The following CCDC40 variants were observed in gnomAD, a reference collection of about 807,000 sequenced individuals.
The protein encoded by CCDC40 is coiled-coil domain-containing protein 40.
A neutral mutation model predicts 124.5 loss-of-function variants in CCDC40; 104 were observed. The ratio of observed to expected loss-of-function variants is 0.84; its 90% CI spans 0.71 to 0.98. The LOEUF is 0.98. CCDC40 is among the 50% of genes least tolerant of loss of function. CCDC40 has a pLI of 0.00. For synonymous variants in CCDC40, 580 were observed against 602.9 expected, an observed-to-expected ratio of 0.96 and a Z score of 0.56; for missense variants, 1,463 against 1,503.9, an observed-to-expected ratio of 0.97 and a Z score of 0.45.
chr17:80,084,719 A>G (rs745904401), intron 12 of CCDC40, 24 bp from the exon 13 acceptor site: 1 of 1,613,440 alleles, frequency 6.2e-7, no homozygotes, highest in Non-Finnish European at 8.5e-7. Context: ...CAATATTCAC[A>G]GGTATTTCTT....
At chr17:80,065,650 G>T in intron 10 of CCDC40, 44 bp downstream of exon 10, 8 of 1,609,278 alleles carry the variant, frequency 5.0e-6, no homozygotes, top group South Asian at 1.1e-5. Flanking sequence ...GGAACCCCAG[G>T]GGTCCGTGGC....
chr17:80,042,926 G>T (rs2037320005), intron 3 of CCDC40, among the ~76,000 whole-genome samples: 1 of 151,552 alleles, frequency 6.6e-6, no homozygotes, highest in East Asian at 1.9e-4. Flanking sequence ...TGTCTGTTAA[G>T]AAGACTGTAT....
At chr17:80,057,373 C>G (rs962192725) in intron 7 of CCDC40, among the ~76,000 whole-genome samples, 1 of 151,906 alleles carries the variant, frequency 6.6e-6, no homozygotes, top group African/African-American at 2.4e-5. Flanking sequence ...CAGGCGTGAG[C>G]CACCACACCC....
At chr17:80,078,330 CAAAAAAA>C (rs71163916) in intron 10 of CCDC40, among the ~76,000 whole-genome samples, 2 of 67,158 alleles carry the variant, frequency 3.0e-5, no homozygotes, top group African/African-American at 1.1e-4. Context: ...GACTCTGTCT[CAAAAAAA>C]AAAAAAAAAA....
intron 5 of CCDC40, among the ~76,000 whole-genome samples, chr17:80,049,240 CAA>C (rs200114991): frequency 1.6e-4 from 22 of 133,896 alleles, no homozygotes; most frequent in Middle Eastern, 3.9e-3. Context: ...ACTAAAAATA[CAA>C]AAAAAAAAAA....
intron 9 of CCDC40, among the ~76,000 whole-genome samples, chr17:80,060,010 GAACA>G (rs1182888103): frequency 6.6e-6 from 1 of 152,106 alleles, no homozygotes; most frequent in Non-Finnish European, 1.5e-5. Context: ...AGAATCTCAG[GAACA>G]AACAATCCCT....
intron 9 of CCDC40, among the ~76,000 whole-genome samples, chr17:80,063,066 G>C (rs979434844): frequency 3.9e-5 from 6 of 152,094 alleles, no homozygotes; most frequent in African/African-American, 1.4e-4. Flanking sequence ...GTGGTGGCGA[G>C]TGCCTATAAT....
intron 12 of CCDC40, 54 bp downstream of exon 12, chr17:80,082,112 A>AT: frequency 6.4e-7 from 1 of 1,560,090 alleles, no homozygotes. Flanking sequence ...GCCTGGGCAT[A>AT]TGAGGGCAAG....
chr17:80,081,959 T>A lies in CCDC40; in HGVS notation c.1890T>A (p.Ala630=), dbSNP rs35578653. ...TGGAGCTCAGGAGGAAGACGGATGC[T>A]GCCATCCGGGAGAAGCTGCAGGAGC... is the stretch of plus-strand genomic sequence containing the variant. ...GELELRRKTD[A]AIREKLQEHM... is the part of the protein sequence containing the mutation. The change falls in exon 12 of 20, where the codon GCT becomes GCA. Residue 630 remains alanine (A), a synonymous_variant. Coordinates refer to ENST00000397545, the MANE Select transcript of CCDC40 (RefSeq NM_017950.4). 1 of 1,613,330 alleles carries A rather than the reference T, an allele frequency of 6.2e-7. No individual in the cohort carries two copies. Among genetic ancestry groups the A allele is most frequent in the Non-Finnish European group, 8.5e-7 (1 of 1,179,688 alleles).
chr17:80,065,472 C>T lies in CCDC40; in HGVS notation c.1441-13C>T, dbSNP rs373383132. 2.5e-6 allele frequency: 4 copies of T among 1,612,080 alleles called. No individual in the cohort carries two copies. Among genetic ancestry groups the T allele is most frequent in the Admixed American group, 1.7e-5 (1 of 59,930 alleles). On this transcript the variant is annotated splice_polypyrimidine_tract_variant and intron_variant, in intron 9 of 19. Coordinates refer to ENST00000397545, the MANE Select transcript of CCDC40 (RefSeq NM_017950.4). The stretch of plus-strand genomic sequence containing the variant: ...GAGACAGCCATTCCTGCCCCCTCCC[C>T]TGTTGGCTGCAGGCCTGCACCGAGA...
chr17:80,047,228 C>T (rs759851312), intron 3 of CCDC40, 51 bp from the exon 4 acceptor site: 2 of 1,585,660 alleles, frequency 1.3e-6, no homozygotes, highest in Admixed American at 1.7e-5. Context: ...TGAATAACTT[C>T]TCAGTGGCAA....
At chr17:80,083,553 G>A (rs1273309879) in intron 12 of CCDC40, among the ~76,000 whole-genome samples, 1 of 152,308 alleles carries the variant, frequency 6.6e-6, no homozygotes, top group East Asian at 1.9e-4. Flanking sequence ...CACAGGGCCC[G>A]AGGCCACCTG....
In CCDC40 at chr17:80,058,551, A is replaced by G; in HGVS notation, c.1217A>G (p.Asn406Ser). The change falls in exon 8 of 20, where the codon AAC (asparagine) becomes AGC (serine). Residue 406 changes from asparagine to serine, a missense_variant. Physicochemically the swap from Asn to Ser is conservative, Grantham distance 46. Coordinates refer to ENST00000397545, the MANE Select transcript of CCDC40 (RefSeq NM_017950.4). This position sits in a 1 kb window ranked among gnomAD's most constrained non-coding sequence, Gnocchi z 4.2. ...NLALHLFYMQ[N>S]IDQDMRDDIR... The stretch of plus-strand genomic sequence containing the variant: ...GCCCTGCATCTCTTCTACATGCAGA[A>G]CATCGACCAGGACATGCGTGACGAC... The G allele has an allele frequency of 6.2e-7, 1 of 1,614,190 alleles. No individual in the cohort carries two copies. Among genetic ancestry groups the G allele is most frequent in the South Asian group, 1.1e-5 (1 of 91,080 alleles).
At chr17:80,038,886 G>C (rs1246379875) in intron 2 of CCDC40, among the ~76,000 whole-genome samples, 1 of 152,138 alleles carries the variant, frequency 6.6e-6, no homozygotes, top group Non-Finnish European at 1.5e-5. Flanking sequence ...ACTTGGTCAA[G>C]TATATTGTAT....
chr17:80,079,643 C>T (rs761214233), intron 10 of CCDC40, among the ~76,000 whole-genome samples: 7 of 152,068 alleles, frequency 4.6e-5, no homozygotes, highest in Non-Finnish European at 1.0e-4. Flanking sequence ...ACTGGATCAC[C>T]AGGCACGGTG....
At chr17:80,059,479 A>T (rs1372825283) in intron 9 of CCDC40, among the ~76,000 whole-genome samples, 1 of 134,066 alleles carries the variant, frequency 7.5e-6, no homozygotes, top group African/African-American at 3.4e-5. Flanking sequence ...AACCAAAGTT[A>T]CTGCAACTTA....
chr17:80,084,468 T>A (rs886746930), intron 12 of CCDC40, among the ~76,000 whole-genome samples: 2 of 152,106 alleles, frequency 1.3e-5, no homozygotes, highest in African/African-American at 4.8e-5. Flanking sequence ...CAATTCAAGA[T>A]GAGATGTGAG....
At chr17:80,042,735 C>T (rs891872955) in intron 3 of CCDC40, among the ~76,000 whole-genome samples, 1 of 152,182 alleles carries the variant, frequency 6.6e-6, no homozygotes, top group Non-Finnish European at 1.5e-5. Flanking sequence ...TTGTCTTGCC[C>T]TGATCTTACA....
intron 19 of CCDC40, among the ~76,000 whole-genome samples, chr17:80,099,112 C>G (rs2038865518): frequency 7.2e-6 from 1 of 139,048 alleles, no homozygotes; most frequent in African/African-American, 2.9e-5. Flanking sequence ...GAAACCCTGT[C>G]TCTACTAAAA....
Sources: allele counts gnomAD v4.1 joint callset (sites outside exome capture counted in the v4.1 genomes callset), GRCh38; gene constraint gnomAD v4.1.1; non-coding constraint Gnocchi (gnomAD v3.1); transcripts MANE v1.5; gene names NCBI Gene and HGNC (gene_info 2026-07-23, HGNC 2026-07-21).